CYP2C18: variants seen among roughly 807,000 people sequenced by gnomAD.
The protein encoded by CYP2C18 is cytochrome P450 2C18.
CYP2C18 carries 38 observed loss-of-function variants against 41.3 expected under a neutral mutation model. The observed-to-expected ratio is 0.92, with a 90% CI of 0.71 to 1.21. CYP2C18 has a LOEUF of 1.21. Among genes scored for constraint, CYP2C18 ranks in the 50% most tolerant of loss-of-function variants. The pLI, the probability that CYP2C18 is intolerant of heterozygous loss-of-function variation, is 0.00. For missense variants in CYP2C18, 635 were observed against 591.4 expected (o/e 1.07, Z -0.77); for synonymous variants, 236 against 210.0 (o/e 1.12, Z -1.07).
chr10:94,715,496 A>T (rs561512599), intron 5 of CYP2C18, among the ~76,000 whole-genome samples: 49 of 152,192 alleles, frequency 3.2e-4, no homozygotes, highest in African/African-American at 1.2e-3. Context: ...ATTGATTTGC[A>T]TATATTGAAC....
chr10:94,722,374 C>A (rs1439079657), intron 6 of CYP2C18, among the ~76,000 whole-genome samples: 1 of 151,982 alleles, frequency 6.6e-6, no homozygotes, highest in Non-Finnish European at 1.5e-5. Flanking sequence ...ATATTAGCCA[C>A]ACACTTGTTT....
intron 7 of CYP2C18, among the ~76,000 whole-genome samples, chr10:94,732,017 A>G (rs1847842588): frequency 6.6e-6 from 1 of 152,232 alleles, no homozygotes; most frequent in African/African-American, 2.4e-5. Flanking sequence ...TCTGCATAAC[A>G]AAAGTAACTA....
chr10:94,696,182 T>C (rs1412327500), intron 4 of CYP2C18, among the ~76,000 whole-genome samples: 3 of 152,148 alleles, frequency 2.0e-5, no homozygotes, highest in African/African-American at 7.2e-5. Flanking sequence ...ACAGACTGCG[T>C]CTTAAGTGGG....
chr10:94,711,750 T>C lies in CYP2C18; in HGVS notation c.819+4790T>C, dbSNP rs148380966. Among the ~76,000 whole-genome samples, 386 of 152,260 alleles carry C rather than the reference T, an allele frequency of 2.5e-3. 1 individual carries two copies. The highest frequency in any genetic ancestry group is 9.0e-3 in the African/African-American group (372 of 41,562). On this transcript the variant is annotated intron_variant, in intron 5 of 8. Coordinates refer to ENST00000285979, the MANE Select transcript of CYP2C18 (RefSeq NM_000772.3). ...TTCCTTATACAATGTAAATGCCATG[T>C]AAGTGGTTGTTATACTGTATTTTTT...
At chr10:94,702,565 C>T (rs1008196187) in intron 4 of CYP2C18, among the ~76,000 whole-genome samples, 1 of 151,784 alleles carries the variant, frequency 6.6e-6, no homozygotes, top group Admixed American at 6.6e-5. Flanking sequence ...AGTTCTTGTG[C>T]TTTGTTTTTC....
chr10:94,696,762 A>C (rs1847125246), intron 4 of CYP2C18, among the ~76,000 whole-genome samples: 1 of 152,216 alleles, frequency 6.6e-6, no homozygotes, highest in African/African-American at 2.4e-5. Flanking sequence ...TAACTAGAAT[A>C]ACCAATGCAG....
At chr10:94,709,571 A>G (rs2134192952) in intron 5 of CYP2C18, among the ~76,000 whole-genome samples, 1 of 152,274 alleles carries the variant, frequency 6.6e-6, no homozygotes, top group South Asian at 2.1e-4. Flanking sequence ...CTTTCTTAAC[A>G]GTGTCTTTTG....
intron 4 of CYP2C18, among the ~76,000 whole-genome samples, chr10:94,700,186 A>C (rs1046171448): frequency 6.6e-6 from 1 of 152,254 alleles, no homozygotes; most frequent in African/African-American, 2.4e-5. Context: ...CCTAAGCCGA[A>C]AGAACAAAGC....
intron 3 of CYP2C18, among the ~76,000 whole-genome samples, chr10:94,691,511 C>A (rs561227026): frequency 8.0e-4 from 122 of 151,986 alleles, no homozygotes; most frequent in East Asian, 1.5e-3. Flanking sequence ...CCACTGCTCA[C>A]TGAAATAAAA....
At chr10:94,708,114 G>A (rs1384613728) in intron 5 of CYP2C18, among the ~76,000 whole-genome samples, 1 of 152,176 alleles carries the variant, frequency 6.6e-6, no homozygotes, top group East Asian at 1.9e-4. Flanking sequence ...GAATCAGTCA[G>A]TAGGTGAAAA....
chr10:94,694,040 C>T (rs1457769758), intron 3 of CYP2C18, among the ~76,000 whole-genome samples: 3 of 152,004 alleles, frequency 2.0e-5, no homozygotes, highest in African/African-American at 7.2e-5. Flanking sequence ...AAATGATGAT[C>T]AAATTAAAAA....
Position 94,706,881 on chromosome 10 carries a change from G to T in CYP2C18, c.740G>T (p.Arg247Ile), listed in dbSNP as rs747328371. ...TACATTAAAAGTTATGTATTGGAGA[G>T]AATAAAAGAACATCAAGAATCCCTG... ...FAYIKSYVLERIKEHQESLDM... is the reference protein window; with the variant it reads ...FAYIKSYVLEIIKEHQESLDM... Residue 247 changes from arginine to isoleucine, a missense_variant, in exon 5 of 9, where the codon AGA (arginine) becomes ATA (isoleucine). By Grantham distance (97) the Arg-to-Ile change is moderately conservative. Coordinates refer to ENST00000285979, the MANE Select transcript of CYP2C18 (RefSeq NM_000772.3). 2.5e-6 allele frequency: 4 copies of T among 1,612,506 alleles called. No homozygotes were observed. Among genetic ancestry groups the T allele is most frequent in the Non-Finnish European group, 2.5e-6 (3 of 1,179,054 alleles).
Position 94,724,334 on chromosome 10 carries a change from G to T in CYP2C18, c.962-12G>T, listed in dbSNP as rs374436160. The T allele has an allele frequency of 6.2e-7, 1 of 1,612,298 alleles. No individual in the cohort carries two copies. The highest frequency in any genetic ancestry group is 1.3e-5 in the African/African-American group (1 of 74,694). On this transcript the variant is annotated splice_polypyrimidine_tract_variant and intron_variant, in intron 6 of 8. Coordinates refer to ENST00000285979, the MANE Select transcript of CYP2C18 (RefSeq NM_000772.3). ...CCTCCTTTTCCATCATTTCTTACTT[G>T]TGTCTTATCAGCTAAAGTCCAGGAA...
At chr10:94,725,922 C>T (rs532091272) in intron 7 of CYP2C18, among the ~76,000 whole-genome samples, 130 of 152,086 alleles carry the variant, frequency 8.5e-4, no homozygotes, top group Non-Finnish European at 1.6e-3. Context: ...ATGTTGGCTT[C>T]ATAAAATAAG....
intron 4 of CYP2C18, among the ~76,000 whole-genome samples, chr10:94,700,940 A>G (rs1231613806): frequency 1.3e-5 from 2 of 152,208 alleles, no homozygotes; most frequent in Non-Finnish European, 2.9e-5. Flanking sequence ...CACCAATTAG[A>G]ATGGTGATCA....
chr10:94,701,649 C>T (rs562844919), intron 4 of CYP2C18, among the ~76,000 whole-genome samples: 2 of 152,176 alleles, frequency 1.3e-5, no homozygotes, highest in East Asian at 3.9e-4. Flanking sequence ...AATTCCTCTC[C>T]ACCTCTACCA....
chr10:94,703,108 C>T (rs1384982423), intron 4 of CYP2C18, among the ~76,000 whole-genome samples: 2 of 152,192 alleles, frequency 1.3e-5, no homozygotes, highest in African/African-American at 4.8e-5. Context: ...CCTCTGGAAG[C>T]TTCATCCTGG....
chr10:94,722,575 A>G (rs891514187), intron 6 of CYP2C18, among the ~76,000 whole-genome samples: 4 of 152,190 alleles, frequency 2.6e-5, no homozygotes, highest in Admixed American at 6.6e-5. Flanking sequence ...TTCTGTTGCT[A>G]TAGTCCCCAT....
At chr10:94,733,035 C>A (rs1847860541) in intron 7 of CYP2C18, among the ~76,000 whole-genome samples, 1 of 151,366 alleles carries the variant, frequency 6.6e-6, no homozygotes, top group South Asian at 2.1e-4. Context: ...TGATGATAAA[C>A]CGGGATTCAG....
Sources: gnomAD v4.1 joint callset for allele counts (sites outside exome capture counted in the v4.1 genomes callset) on GRCh38, gnomAD v4.1.1 for gene constraint, MANE v1.5 for transcripts, NCBI Gene and HGNC (gene_info 2026-07-23, HGNC 2026-07-21) for gene names.